SH3RF3: variants seen among roughly 807,000 people sequenced by gnomAD.
The protein encoded by SH3RF3 is E3 ubiquitin-protein ligase SH3RF3.
Under a neutral mutation model 66.3 loss-of-function variants are expected in SH3RF3, and 29 were observed. That is an observed-to-expected ratio of 0.44 (90% CI 0.33 to 0.60). The LOEUF (loss-of-function observed/expected upper bound fraction) is 0.60, where lower values mean the gene tolerates loss of function less well. Among genes scored for constraint, SH3RF3 ranks in the 20% least tolerant of loss-of-function variants. The pLI, the probability that SH3RF3 is intolerant of heterozygous loss-of-function variation, is 0.04. For synonymous variants in SH3RF3, 583 were observed against 532.0 expected, an observed-to-expected ratio of 1.10 and a Z score of -1.32; for missense variants, 1,194 against 1,190.9, an observed-to-expected ratio of 1.00 and a Z score of -0.04.
intron 1 of SH3RF3, 116 bp downstream of exon 1, chr2:109,130,229 C>T (rs6728416): frequency 0.25 from 253,457 of 1,002,566 alleles, 34,551 homozygotes; most frequent in Middle Eastern, 0.31. Context: ...CTGCGTTGGC[C>T]CACTCCGCTG....
Position 109,207,820 on chromosome 2 carries a change from T to C in SH3RF3, c.573+77707T>C, listed in dbSNP as rs2105094664. ...CAGTTTAAATGGCACAATTTTCTTT[T>C]TTAAAAAAAATTAAACTATACCTCA... On this transcript the variant is annotated intron_variant, in intron 1 of 9. Transcript: ENST00000309415. Among the ~76,000 whole-genome samples, 5 of 152,332 alleles carry C rather than the reference T, an allele frequency of 3.3e-5. 2 individuals carry two copies. Among genetic ancestry groups the C allele is most frequent in the Admixed American group, 3.3e-4 (5 of 15,302 alleles).
chr2:109,395,828 C>A (rs185111684), intron 3 of SH3RF3, among the ~76,000 whole-genome samples: 1 of 152,320 alleles, frequency 6.6e-6, no homozygotes, highest in African/African-American at 2.4e-5. Context: ...ATCAGGGCCC[C>A]ATCTCTTCTG....
At chr2:109,285,820 G>C (rs1187710538) in intron 1 of SH3RF3, among the ~76,000 whole-genome samples, 1 of 152,202 alleles carries the variant, frequency 6.6e-6, no homozygotes. Context: ...TCCAGTCCTG[G>C]CCTTGTTGGC....
intron 1 of SH3RF3, among the ~76,000 whole-genome samples, chr2:109,145,595 C>T (rs1263506629): frequency 2.6e-5 from 4 of 152,188 alleles, no homozygotes; most frequent in South Asian, 2.1e-4. Context: ...CACGCATGGT[C>T]GAGCGACCTT....
chr2:109,442,121 C>A lies in SH3RF3; in HGVS notation c.1828+4975C>A, dbSNP rs1241295477. 3.3e-5 allele frequency among the ~76,000 whole-genome samples: 5 copies of A among 152,028 alleles called. 1 individual carries two copies. The highest frequency in any genetic ancestry group is 3.3e-4 in the Admixed American group (5 of 15,264). ...GGTCAGGAGATTGAGACCATCCTGG[C>A]TAACACAGTGAAACCCCGTCTCTAC... On this transcript the variant is annotated intron_variant, in intron 7 of 9. Coordinates refer to ENST00000309415, the MANE Select transcript of SH3RF3 (RefSeq NM_001099289.3).
intron 9 of SH3RF3, among the ~76,000 whole-genome samples, chr2:109,498,059 C>T (rs190264495): frequency 2.5e-4 from 38 of 152,236 alleles, no homozygotes; most frequent in Middle Eastern, 3.4e-3. Flanking sequence ...GGCTGCATCC[C>T]GGCAGCCATC....
At chr2:109,491,312 A>G (rs1308549522) in intron 9 of SH3RF3, among the ~76,000 whole-genome samples, 1 of 152,126 alleles carries the variant, frequency 6.6e-6, no homozygotes, top group Admixed American at 6.5e-5. Flanking sequence ...CAGTGGGCCT[A>G]TGTGTCCCAC....
At chr2:109,181,810 A>G (rs952549609) in intron 1 of SH3RF3, among the ~76,000 whole-genome samples, 1 of 151,986 alleles carries the variant, frequency 6.6e-6, no homozygotes, top group Non-Finnish European at 1.5e-5. Flanking sequence ...CATCCATGCC[A>G]CATTCTAAGA....
intron 1 of SH3RF3, among the ~76,000 whole-genome samples, chr2:109,294,284 G>A (rs182112977): frequency 3.0e-4 from 45 of 152,270 alleles, no homozygotes; most frequent in Admixed American, 8.5e-4. Context: ...TTGCTGTGCC[G>A]TGTGCGGTGG....
chr2:109,195,286 A>T (rs1303907622), intron 1 of SH3RF3, among the ~76,000 whole-genome samples: 1 of 152,214 alleles, frequency 6.6e-6, no homozygotes, highest in Non-Finnish European at 1.5e-5. Flanking sequence ...GGAGGGTCCC[A>T]TAGCTAGGGT....
chr2:109,365,825 C>T (rs1289684801), intron 2 of SH3RF3, among the ~76,000 whole-genome samples: 2 of 152,190 alleles, frequency 1.3e-5, no homozygotes, highest in Non-Finnish European at 2.9e-5. Flanking sequence ...CCTGCCATCG[C>T]AGGTATCCAT....
chr2:109,367,897 A>T (rs1442169564), intron 2 of SH3RF3, among the ~76,000 whole-genome samples: 4 of 152,188 alleles, frequency 2.6e-5, no homozygotes, highest in Non-Finnish European at 5.9e-5. Context: ...TGCCTGCCCT[A>T]CATTTATATC....
chr2:109,193,833 A>C (rs1264972942), intron 1 of SH3RF3, among the ~76,000 whole-genome samples: 1 of 152,178 alleles, frequency 6.6e-6, no homozygotes, highest in Non-Finnish European at 1.5e-5. Flanking sequence ...CCAGCACCTG[A>C]TTTAAGTCTC....
At chr2:109,159,825 C>T (rs4676249) in intron 1 of SH3RF3, among the ~76,000 whole-genome samples, 123,628 of 152,160 alleles carry the variant, frequency 0.81, 50,401 homozygotes, top group East Asian at 0.89. Context: ...GAGAATCTAA[C>T]GCCTCATGAT....
At chr2:109,204,697 C>T (rs1678766502) in intron 1 of SH3RF3, among the ~76,000 whole-genome samples, 1 of 152,256 alleles carries the variant, frequency 6.6e-6, no homozygotes, top group South Asian at 2.1e-4. Flanking sequence ...ACTGTTCTAG[C>T]AGTCTCTTAC....
At chr2:109,246,940 TGAG>T (rs1024216110) in intron 1 of SH3RF3, among the ~76,000 whole-genome samples, 7 of 152,178 alleles carry the variant, frequency 4.6e-5, no homozygotes, top group African/African-American at 1.2e-4. Flanking sequence ...AGCTCAGCCT[TGAG>T]GAGGCGTTCC....
intron 1 of SH3RF3, among the ~76,000 whole-genome samples, chr2:109,279,468 T>C (rs1680833346): frequency 6.6e-6 from 1 of 152,196 alleles, no homozygotes; most frequent in African/African-American, 2.4e-5. Flanking sequence ...TTAATGCTGC[T>C]ATGCTGCTAA....
chr2:109,154,032 G>C (rs1677282259), intron 1 of SH3RF3, among the ~76,000 whole-genome samples: 1 of 152,216 alleles, frequency 6.6e-6, no homozygotes, highest in Non-Finnish European at 1.5e-5. Context: ...GGTGGACATG[G>C]AACTGCAGAC....
intron 4 of SH3RF3, among the ~76,000 whole-genome samples, chr2:109,402,764 T>TG (rs1428202483): frequency 1.3e-5 from 2 of 152,144 alleles, no homozygotes; most frequent in Non-Finnish European, 2.9e-5. Flanking sequence ...TTCTGGGCCA[T>TG]GGGGGGCAGA....
Sources: gnomAD v4.1 joint callset for allele counts (sites outside exome capture counted in the v4.1 genomes callset) on GRCh38, gnomAD v4.1.1 for gene constraint, MANE v1.5 for transcripts, NCBI Gene and HGNC (gene_info 2026-07-23, HGNC 2026-07-21) for gene names.